MYO3A: variants seen among roughly 807,000 people sequenced by gnomAD.
MYO3A encodes myosin IIIA.
In MYO3A, 180 loss-of-function variants were observed where a neutral mutation model predicts 192.7. The ratio of observed to expected loss-of-function variants is 0.93; its 90% CI spans 0.83 to 1.06. The LOEUF (loss-of-function observed/expected upper bound fraction) is 1.06. Ranked by LOEUF, MYO3A falls within the 50% of genes least tolerant of loss-of-function variation. MYO3A has a pLI of 0.00. For missense variants in MYO3A, 1,896 were observed against 1,905.0 expected (o/e 1.00, Z 0.09); for synonymous variants, 628 against 645.3 (o/e 0.97, Z 0.41).
chr10:25,949,189 T>C (rs574171492), intron 2 of MYO3A, among the ~76,000 whole-genome samples: 4 of 152,136 alleles, frequency 2.6e-5, no homozygotes, highest in Admixed American at 6.5e-5. Context: ...ATGAGTTTTC[T>C]ATCTTTGTAT....
chr10:25,948,517 G>A (rs1016600556), intron 2 of MYO3A, among the ~76,000 whole-genome samples: 8 of 151,898 alleles, frequency 5.3e-5, no homozygotes, highest in African/African-American at 1.9e-4. Context: ...ATATAACTAA[G>A]AACTTATTTA....
intron 15 of MYO3A, among the ~76,000 whole-genome samples, chr10:26,089,615 G>T (rs1836570420): frequency 6.6e-6 from 1 of 151,028 alleles, no homozygotes; most frequent in Non-Finnish European, 1.5e-5. Context: ...AAAAAAAAAT[G>T]GAAGGAATGA....
chr10:26,145,251 C>T (rs938772798), intron 21 of MYO3A, among the ~76,000 whole-genome samples, 195 bp from the exon 22 acceptor site: 16 of 150,664 alleles, frequency 1.1e-4, no homozygotes, highest in African/African-American at 3.9e-4. Context: ...TGCCCTAAAT[C>T]GTAATGTAAT....
intron 20 of MYO3A, among the ~76,000 whole-genome samples, chr10:26,140,954 G>A (rs1249627269): frequency 6.6e-6 from 1 of 152,086 alleles, no homozygotes; most frequent in Non-Finnish European, 1.5e-5. Flanking sequence ...ATGAGATGGA[G>A]TCTCGCTCTG....
intron 12 of MYO3A, 97 bp downstream of exon 12, chr10:26,068,981 T>C (rs1174124975): frequency 1.3e-5 from 11 of 824,180 alleles, no homozygotes; most frequent in East Asian, 2.7e-5. Flanking sequence ...TTTTATCCAG[T>C]ATTTTGAATA....
intron 14 of MYO3A, among the ~76,000 whole-genome samples, chr10:26,087,567 A>T (rs1404548024): frequency 2.0e-5 from 3 of 152,196 alleles, no homozygotes; most frequent in African/African-American, 7.2e-5. Flanking sequence ...TATTAACCCA[A>T]ATAAATTTCT....
At chr10:26,012,985 A>G (rs1413701644) in intron 6 of MYO3A, among the ~76,000 whole-genome samples, 2 of 152,104 alleles carry the variant, frequency 1.3e-5, no homozygotes, top group Admixed American at 1.3e-4. Context: ...CGTACAGCCA[A>G]CTGATCTTTG....
intron 3 of MYO3A, 123 bp downstream of exon 3, chr10:25,952,401 A>G (rs1353828380): frequency 8.7e-7 from 1 of 1,144,030 alleles, no homozygotes; most frequent in Non-Finnish European, 1.2e-6. Flanking sequence ...CAATTTGAAG[A>G]TAAATGTAAA....
Position 26,154,961 on chromosome 10 carries a change from G to A in MYO3A, c.2793+138G>A, listed in dbSNP as rs186484390. On this transcript the variant is annotated intron_variant, in intron 25 of 34. Coordinates refer to ENST00000642920, the MANE Select transcript of MYO3A (RefSeq NM_017433.5). ...CTATTGTTAGATACAGGATATGTTA[G>A]CATCTACCTTCAAAATCTGCAGATT... The A allele has an allele frequency of 2.1e-5, 16 of 753,570 alleles. No individual in the cohort carries two copies. In the East Asian group the frequency reaches 2.9e-4, roughly 13 times the overall value. The allele number at this position is 753,570 out of a possible 1,614,324, so 46.7% of individuals were successfully genotyped here. A position where few individuals can be genotyped will look rare whatever the true frequency, so the allele number is the denominator to read the frequency against.
chr10:26,043,149 GTC>G (rs59621862), intron 10 of MYO3A, among the ~76,000 whole-genome samples: 14,394 of 143,198 alleles, frequency 0.1, 744 homozygotes, highest in Non-Finnish European at 0.12. Flanking sequence ...GCCAAACAGA[GTC>G]TCTCTCTCTC....
At chr10:26,164,817 C>T (rs908402960) in intron 26 of MYO3A, among the ~76,000 whole-genome samples, 2 of 152,166 alleles carry the variant, frequency 1.3e-5, no homozygotes, top group Admixed American at 6.5e-5. Context: ...GTGGCTCCTG[C>T]GATGAACTGT....
chr10:26,153,823 A>T, intron 23 of MYO3A, 27 bp from the exon 24 acceptor site: 3 of 1,387,966 alleles, frequency 2.2e-6, no homozygotes, highest in Non-Finnish European at 3.1e-6. Flanking sequence ...TCTAAAAGGT[A>T]TATTACATTT....
At chr10:26,008,885 C>A (rs1436005675) in intron 6 of MYO3A, among the ~76,000 whole-genome samples, 1 of 151,774 alleles carries the variant, frequency 6.6e-6, no homozygotes, top group Admixed American at 6.6e-5. Flanking sequence ...TGGGTATATA[C>A]CCAAAGGACT....
intron 4 of MYO3A, among the ~76,000 whole-genome samples, chr10:25,993,366 G>C (rs111436840): frequency 0.096 from 14,538 of 151,922 alleles, 1,235 homozygotes; most frequent in African/African-American, 0.22. Flanking sequence ...TCCCCTTCAT[G>C]ATTTTTTATT....
chr10:26,123,373 G>A (rs1838991664), intron 18 of MYO3A, among the ~76,000 whole-genome samples: 2 of 152,050 alleles, frequency 1.3e-5, no homozygotes, highest in African/African-American at 4.8e-5. Context: ...AGGAAAAGAT[G>A]AACATATCAA....
intron 10 of MYO3A, among the ~76,000 whole-genome samples, chr10:26,028,900 T>G (rs1313336696): frequency 2.0e-5 from 3 of 152,210 alleles, no homozygotes; most frequent in Non-Finnish European, 4.4e-5. Flanking sequence ...AACTCCAATC[T>G]TTTAAATAGG....
At chr10:26,072,860 T>G (rs1308655296) in intron 14 of MYO3A, among the ~76,000 whole-genome samples, 1 of 152,188 alleles carries the variant, frequency 6.6e-6, no homozygotes, top group East Asian at 1.9e-4. Context: ...TTTACTGCTA[T>G]GTGCTTATTC....
intron 6 of MYO3A, among the ~76,000 whole-genome samples, chr10:26,014,305 C>G (rs368316426): frequency 6.6e-6 from 1 of 151,924 alleles, no homozygotes. Context: ...CTATTTTAAG[C>G]GAAGAGTTGT....
intron 10 of MYO3A, among the ~76,000 whole-genome samples, chr10:26,048,999 A>G (rs968342935): frequency 6.6e-6 from 1 of 152,198 alleles, no homozygotes; most frequent in Non-Finnish European, 1.5e-5. Context: ...CAAGGGAGGA[A>G]GAGCAGAGAA....
Sources: gnomAD v4.1 joint callset for allele counts (sites outside exome capture counted in the v4.1 genomes callset) on GRCh38, gnomAD v4.1.1 for gene constraint, MANE v1.5 for transcripts, NCBI Gene and HGNC (gene_info 2026-07-23, HGNC 2026-07-21) for gene names.